The following PACRG variants were observed in gnomAD, a reference collection of about 807,000 sequenced individuals.
The protein encoded by PACRG is parkin coregulated.
A neutral mutation model predicts 29.7 loss-of-function variants in PACRG; 29 were observed. The observed-to-expected ratio is 0.98, with a 90% CI of 0.73 to 1.33. The LOEUF is 1.33. PACRG is among the 40% of genes most tolerant of loss of function. PACRG has a pLI of 0.00. For synonymous variants in PACRG, 116 were observed against 118.7 expected (o/e 0.98, Z 0.15); for missense variants, 279 against 316.2 (o/e 0.88, Z 0.89).
chr6:163,115,683 C>G (rs563924729), intron 4 of PACRG, among the ~76,000 whole-genome samples: 139 of 152,264 alleles, frequency 9.1e-4, no homozygotes, highest in African/African-American at 3.3e-3. Flanking sequence ...AGTCAGCATG[C>G]ATCTACTGTA....
intron 4 of PACRG, among the ~76,000 whole-genome samples, chr6:163,227,995 G>A (rs1432018382): frequency 6.6e-6 from 1 of 152,192 alleles, no homozygotes; most frequent in Non-Finnish European, 1.5e-5. Context: ...CAGACAGGCA[G>A]TGTTGGTGAA....
At chr6:162,960,890 A>AGC (rs1800554615) in intron 2 of PACRG, among the ~76,000 whole-genome samples, 2 of 41,154 alleles carry the variant, frequency 4.9e-5, no homozygotes, top group Non-Finnish European at 1.5e-4. Flanking sequence ...CAGCTAGTTT[A>AGC]ACAGCACCAT....
chr6:163,251,923 A>G (rs143545858), intron 4 of PACRG, among the ~76,000 whole-genome samples: 20 of 152,322 alleles, frequency 1.3e-4, no homozygotes, highest in African/African-American at 4.3e-4. Flanking sequence ...TTCAAATGGA[A>G]TAATAATAAT....
chr6:162,779,733 C>T (rs34936012), intron 1 of PACRG, among the ~76,000 whole-genome samples: 13,617 of 152,140 alleles, frequency 0.09, 924 homozygotes, highest in South Asian at 0.23. Context: ...ATAATGAATA[C>T]GAATGTGACC....
chr6:163,239,326 C>T (rs1022357857), intron 4 of PACRG, among the ~76,000 whole-genome samples: 10 of 152,168 alleles, frequency 6.6e-5, no homozygotes, highest in African/African-American at 1.7e-4. Context: ...GCATTCAATA[C>T]TTACTGCCCA....
At chr6:162,981,305 A>ATATATATATATATATATT (rs925663285) in intron 2 of PACRG, among the ~76,000 whole-genome samples, 9 of 149,158 alleles carry the variant, frequency 6.0e-5, no homozygotes, top group East Asian at 3.9e-4. Context: ...ATATATATAT[A>ATATATATATATATATATT]TTTACAATGG....
At chr6:162,855,683 T>C (rs1791329609) in intron 2 of PACRG, among the ~76,000 whole-genome samples, 1 of 152,214 alleles carries the variant, frequency 6.6e-6, no homozygotes, top group African/African-American at 2.4e-5. Flanking sequence ...TGGGAATAGA[T>C]ACCCCCAATC....
intron 4 of PACRG, among the ~76,000 whole-genome samples, chr6:163,254,059 C>T (rs771215637): frequency 6.6e-6 from 1 of 152,208 alleles, no homozygotes; most frequent in Admixed American, 6.5e-5. Flanking sequence ...AGCCACTTCT[C>T]CTGCTACCAC....
At chr6:163,265,898 C>T (rs1175118713) in intron 4 of PACRG, among the ~76,000 whole-genome samples, 1 of 152,158 alleles carries the variant, frequency 6.6e-6, no homozygotes, top group Non-Finnish European at 1.5e-5. Flanking sequence ...ATTTTGACTA[C>T]TGTACATTTC....
At chr6:163,008,389 G>A (rs1252405245) in intron 2 of PACRG, among the ~76,000 whole-genome samples, 2 of 151,962 alleles carry the variant, frequency 1.3e-5, no homozygotes, top group Non-Finnish European at 2.9e-5. Context: ...TTGTAAACGA[G>A]GCACACATCC....
intron 4 of PACRG, among the ~76,000 whole-genome samples, chr6:163,203,399 G>A (rs1780784095): frequency 1.3e-5 from 2 of 152,112 alleles, no homozygotes; most frequent in Admixed American, 1.3e-4. Context: ...GCGACAGAGC[G>A]AGATTCCGTC....
intron 2 of PACRG, among the ~76,000 whole-genome samples, chr6:162,955,730 C>T (rs911427883): frequency 6.6e-6 from 1 of 152,210 alleles, no homozygotes; most frequent in African/African-American, 2.4e-5. Context: ...GCTGAAGGCC[C>T]TTCTGATCCT....
chr6:163,232,004 G>A (rs1782063060), intron 4 of PACRG, among the ~76,000 whole-genome samples: 1 of 152,256 alleles, frequency 6.6e-6, no homozygotes, highest in Non-Finnish European at 1.5e-5. Flanking sequence ...GAAATGGACA[G>A]ATAATTATTT....
At chr6:163,238,506 T>C (rs1344354381) in intron 4 of PACRG, among the ~76,000 whole-genome samples, 1 of 152,134 alleles carries the variant, frequency 6.6e-6, no homozygotes, top group East Asian at 1.9e-4. Context: ...TGAGAGAAAA[T>C]CTTTGTAAAG....
chr6:162,825,407 G>GT (rs1406562604), intron 2 of PACRG, among the ~76,000 whole-genome samples: 3 of 151,938 alleles, frequency 2.0e-5, no homozygotes. Flanking sequence ...TTAAATCACC[G>GT]TGTTTCATTC....
Position 162,743,155 on chromosome 6 carries a change from A to C in PACRG, c.156+14764A>C, listed in dbSNP as rs1276876166. Among the ~76,000 whole-genome samples the C allele has an allele frequency of 2.0e-5, 3 of 152,202 alleles. No individual in the cohort carries two copies. The South Asian group carries it at 6.2e-4, about 31-fold the overall frequency. On this transcript the variant is annotated intron_variant, in intron 1 of 4. Transcript: ENST00000366888. ...GCATTTTTTCATATATCTGCTGGGC[A>C]TCTGAATGTCTTATTTTGACAAATG...
intron 4 of PACRG, among the ~76,000 whole-genome samples, chr6:163,194,711 C>T (rs923656032): frequency 2.0e-5 from 3 of 152,184 alleles, no homozygotes; most frequent in African/African-American, 7.2e-5. Context: ...TTTGTGAAGG[C>T]ATCAATGTGC....
intron 2 of PACRG, among the ~76,000 whole-genome samples, chr6:162,940,155 T>A (rs1278383680): frequency 6.6e-6 from 1 of 152,200 alleles, no homozygotes; most frequent in Non-Finnish European, 1.5e-5. Flanking sequence ...TTATAGATAT[T>A]CATGCTAACG....
Position 163,144,799 on chromosome 6 carries a change from G to A in PACRG, c.613+55391G>A, listed in dbSNP as rs145066771. Among the ~76,000 whole-genome samples, 569 of 152,204 alleles carry A rather than the reference G, an allele frequency of 3.7e-3. 16 individuals carry two copies. Among genetic ancestry groups the A allele is most frequent in the Non-Finnish European group, 6.9e-4 (47 of 68,018 alleles). On this transcript the variant is annotated intron_variant, in intron 4 of 4. Coordinates refer to ENST00000366888, the MANE Select transcript of PACRG (RefSeq NM_001080379.2). ...AAAAAAAAAGTAAGCACAGATATAA[G>A]CATTTTTCTCTCTGCATCCCTTTGA...
Sources: gnomAD v4.1 joint callset for allele counts (sites outside exome capture counted in the v4.1 genomes callset) on GRCh38, gnomAD v4.1.1 for gene constraint, MANE v1.5 for transcripts, NCBI Gene and HGNC (gene_info 2026-07-23, HGNC 2026-07-21) for gene names.